Variants in CDH18 observed in about 807,000 individuals in gnomAD.
The protein encoded by CDH18 is cadherin 18.
In CDH18, 31 loss-of-function variants were observed where a neutral mutation model predicts 67.9. The observed-to-expected ratio is 0.46, with a 90% CI of 0.34 to 0.62. The LOEUF is 0.62. CDH18 is among the 20% of genes least tolerant of loss of function. CDH18 has a pLI of 0.01. For synonymous variants in CDH18, 362 were observed against 347.2 expected (o/e 1.04, Z -0.48); for missense variants, 890 against 975.5 (o/e 0.91, Z 1.17).
intron 2 of CDH18, among the ~76,000 whole-genome samples, chr5:20,124,985 G>A (rs1045868000): frequency 1.3e-5 from 2 of 152,168 alleles, no homozygotes; most frequent in Non-Finnish European, 2.9e-5. Flanking sequence ...GATTGCAGGA[G>A]TTTGCCATGT....
intron 12 of CDH18, among the ~76,000 whole-genome samples, chr5:19,475,233 C>T (rs1738245715): frequency 6.9e-6 from 1 of 145,530 alleles, no homozygotes; most frequent in African/African-American, 2.5e-5. Context: ...TCTCAACCTA[C>T]AGTAAGCTTA....
At chr5:19,752,400 C>G (rs1770967053) in intron 3 of CDH18, among the ~76,000 whole-genome samples, 1 of 152,002 alleles carries the variant, frequency 6.6e-6, no homozygotes, top group African/African-American at 2.4e-5. Context: ...GCCTGTGACT[C>G]CCGGCTCTCC....
intron 3 of CDH18, among the ~76,000 whole-genome samples, chr5:19,792,378 T>C (rs1373107608): frequency 6.6e-6 from 1 of 152,152 alleles, no homozygotes; most frequent in Non-Finnish European, 1.5e-5. Context: ...TTCTCAAGTC[T>C]TTGAACTTGG....
At chr5:20,350,567 T>C (rs1012588249) in intron 1 of CDH18, among the ~76,000 whole-genome samples, 5 of 152,146 alleles carry the variant, frequency 3.3e-5, no homozygotes, top group Non-Finnish European at 5.9e-5. Context: ...AAACCAATCA[T>C]AGATTAATTG....
intron 2 of CDH18, among the ~76,000 whole-genome samples, chr5:20,165,949 T>C (rs550316980): frequency 6.6e-6 from 1 of 152,120 alleles, no homozygotes; most frequent in Non-Finnish European, 1.5e-5. Flanking sequence ...ACTGTGTCCA[T>C]TTTTTTCTTG....
chr5:19,984,701 T>C (rs1799388223), intron 1 of CDH18, among the ~76,000 whole-genome samples: 2 of 152,218 alleles, frequency 1.3e-5, no homozygotes, highest in Non-Finnish European at 2.9e-5. Flanking sequence ...TTTTTACACC[T>C]ATTATCATCA....
intron 3 of CDH18, among the ~76,000 whole-genome samples, chr5:19,818,875 T>G (rs1435408301): frequency 1.3e-5 from 2 of 152,216 alleles, no homozygotes; most frequent in African/African-American, 4.8e-5. Flanking sequence ...AATCAGTTAC[T>G]TTTTACTAAA....
chr5:19,495,249 G>A (rs1196678600), intron 11 of CDH18, among the ~76,000 whole-genome samples: 1 of 152,100 alleles, frequency 6.6e-6, no homozygotes, highest in Non-Finnish European at 1.5e-5. Flanking sequence ...GGAATATCCA[G>A]GCAGCAATCA....
intron 3 of CDH18, among the ~76,000 whole-genome samples, chr5:19,775,542 T>TGGG (rs201998927): frequency 6.6e-6 from 1 of 151,572 alleles, no homozygotes; most frequent in African/African-American, 2.4e-5. Flanking sequence ...AGAAAGACAG[T>TGGG]GGGGGGGAGA....
At chr5:20,249,864 T>C (rs1204593898) in intron 2 of CDH18, among the ~76,000 whole-genome samples, 1 of 152,208 alleles carries the variant, frequency 6.6e-6, no homozygotes, top group African/African-American at 2.4e-5. Context: ...AAGAAGAGTG[T>C]GAACATTCTT....
chr5:19,879,788 A>G (rs1056491082), intron 2 of CDH18, among the ~76,000 whole-genome samples: 2 of 152,002 alleles, frequency 1.3e-5, no homozygotes, highest in Non-Finnish European at 2.9e-5. Flanking sequence ...TCAAAGACAT[A>G]GTTGGAGTCT....
At chr5:20,040,500 G>A (rs376778568) in intron 2 of CDH18, among the ~76,000 whole-genome samples, 4 of 152,114 alleles carry the variant, frequency 2.6e-5, no homozygotes, top group Non-Finnish European at 5.9e-5. Context: ...TTTGAAATAT[G>A]TCATGAAGAT....
At chr5:20,519,942 C>CTTTTTTTGTT (rs1755630269) in intron 1 of CDH18, among the ~76,000 whole-genome samples, 1 of 41,674 alleles carries the variant, frequency 2.4e-5, no homozygotes, top group Non-Finnish European at 4.5e-5. Flanking sequence ...ACAGTCTTGG[C>CTTTTTTTGTT]TTTTTTTTTT....
At chr5:20,321,976 A>G (rs1205692621) in intron 1 of CDH18, among the ~76,000 whole-genome samples, 3 of 152,116 alleles carry the variant, frequency 2.0e-5, no homozygotes, top group South Asian at 4.1e-4. Flanking sequence ...CTTAATTGAT[A>G]TATTTAAAAT....
chr5:20,174,209 A>T (rs1737056451), intron 2 of CDH18, among the ~76,000 whole-genome samples: 1 of 152,206 alleles, frequency 6.6e-6, no homozygotes, highest in Non-Finnish European at 1.5e-5. Context: ...ATCTTTCAAG[A>T]ATAATTTATT....
At chr5:19,698,946 G>A (rs1386192531) in intron 5 of CDH18, among the ~76,000 whole-genome samples, 2 of 152,020 alleles carry the variant, frequency 1.3e-5, no homozygotes, top group South Asian at 2.1e-4. Flanking sequence ...GTGGCAGTCT[G>A]TTTCTCTTCC....
intron 12 of CDH18, among the ~76,000 whole-genome samples, chr5:19,478,831 C>T (rs1738927837): frequency 6.6e-6 from 1 of 152,164 alleles, no homozygotes; most frequent in Non-Finnish European, 1.5e-5. Flanking sequence ...GAGAGGATTT[C>T]AGCTACCTCT....
chr5:20,170,357 T>C (rs1736600910), intron 2 of CDH18, among the ~76,000 whole-genome samples: 1 of 152,186 alleles, frequency 6.6e-6, no homozygotes, highest in Non-Finnish European at 1.5e-5. Flanking sequence ...GGACATGATC[T>C]CATTCCTTTT....
At chr5:19,759,225 C>T (rs571334081) in intron 3 of CDH18, among the ~76,000 whole-genome samples, 2 of 152,200 alleles carry the variant, frequency 1.3e-5, no homozygotes, top group African/African-American at 4.8e-5. Context: ...CTCCAAGATC[C>T]ACCTGTTTTC....
Sources: gnomAD v4.1 joint callset for allele counts (sites outside exome capture counted in the v4.1 genomes callset) on GRCh38, gnomAD v4.1.1 for gene constraint, MANE v1.5 for transcripts, NCBI Gene and HGNC (gene_info 2026-07-23, HGNC 2026-07-21) for gene names.